Variants in CLSTN3 observed in about 807,000 individuals in gnomAD.
The protein encoded by CLSTN3 is calsyntenin 3.
In CLSTN3, 36 loss-of-function variants were observed where a neutral mutation model predicts 95.9. The ratio of observed to expected loss-of-function variants is 0.38; its 90% CI spans 0.29 to 0.50. The LOEUF is 0.50. Among genes scored for constraint, CLSTN3 ranks in the 20% least tolerant of loss-of-function variants. The pLI is 0.95. For missense variants in CLSTN3, 1,084 were observed against 1,268.8 expected (o/e 0.85, Z 2.21); for synonymous variants, 481 against 504.0 (o/e 0.95, Z 0.61).
In CLSTN3 at chr12:7,137,419, C is replaced by T; in HGVS notation, c.1210+309C>T. The T allele has an allele frequency of 2.6e-6, 1 of 381,272 alleles. No homozygotes were observed. The highest frequency in any genetic ancestry group is 4.9e-6 in the Non-Finnish European group (1 of 203,948). 23.6% of individuals were successfully genotyped at this position (381,272 alleles called of 1,614,324 possible). Reference sequence around the variant, plus strand: ...ATCTCCACCTCCATTAAAGCCCCTCCATTGCAATGGGAAAGCCTGGGTAAT... The same window carrying T: ...ATCTCCACCTCCATTAAAGCCCCTCTATTGCAATGGGAAAGCCTGGGTAAT... On this transcript the variant is annotated intron_variant, in intron 7 of 17. Transcript: ENST00000266546. This position sits in a 1 kb window ranked among gnomAD's most constrained non-coding sequence, Gnocchi z 4.4.
chr12:7,149,358 G>A lies in CLSTN3; in HGVS notation c.2074+160G>A, dbSNP rs1036494479. Among the ~76,000 whole-genome samples the A allele has an allele frequency of 1.3e-5, 2 of 152,212 alleles. No homozygotes were observed. The highest frequency in any genetic ancestry group is 2.9e-5 in the Non-Finnish European group (2 of 68,042). ...AAGAAGGAGAGCAAGTGGAAAACAC[G>A]TGGGTGGAAATGAATTGTTGCATAA... On this transcript the variant is annotated intron_variant, in intron 13 of 17. Coordinates refer to ENST00000266546, the MANE Select transcript of CLSTN3 (RefSeq NM_014718.4). This position sits in a 1 kb window ranked among gnomAD's most constrained non-coding sequence, Gnocchi z 4.5.
Position 7,143,250 on chromosome 12 carries a change from A to G in CLSTN3, c.1786A>G (p.Met596Val), listed in dbSNP as rs750472182. 13 of 1,613,716 alleles carry G rather than the reference A, an allele frequency of 8.1e-6. 1 individual carries two copies. The highest frequency in any genetic ancestry group is 1.0e-5 in the Non-Finnish European group (12 of 1,180,024). The change falls in exon 12 of 18, where the codon ATG becomes GTG. Residue 596 changes from methionine to valine, a missense_variant. By Grantham distance (21) the Met-to-Val change is conservative. Coordinates refer to ENST00000266546, the MANE Select transcript of CLSTN3 (RefSeq NM_014718.4). ...CCATGCCCTGCAGCATGTGGCTTACATGAACACTCTGCGCTTTGCCACGCC... is the reference window on the plus strand; with the variant it reads ...CCATGCCCTGCAGCATGTGGCTTACGTGAACACTCTGCGCTTTGCCACGCC... Reference protein sequence around the residue: ...FNHALQHVAYMNTLRFATPGV... With the variant: ...FNHALQHVAYVNTLRFATPGV...
chr12:7,151,491 G>C lies in CLSTN3; in HGVS notation c.2527+428G>C, dbSNP rs560584762. Among the ~76,000 whole-genome samples, 3 of 152,292 alleles carry C rather than the reference G, an allele frequency of 2.0e-5. No individual in the cohort carries two copies. The South Asian group carries it at 6.2e-4, about 32-fold the overall frequency. ...TCTAAATGATTTATAGGATAGATCA[G>C]TCCCTATCCCCAAGGAGAGAATTGG... On this transcript the variant is annotated intron_variant, in intron 16 of 17. Transcript: ENST00000266546.
chr12:7,144,651 T>A (rs1939590773), intron 12 of CLSTN3, among the ~76,000 whole-genome samples: 1 of 152,196 alleles, frequency 6.6e-6, no homozygotes, highest in Non-Finnish European at 1.5e-5. Context: ...GAGTTAGGAT[T>A]TCTGCGTTCC....
At chr12:7,156,458 C>G (rs776407077) in intron 16 of CLSTN3, 8 of 456,828 alleles carry the variant, frequency 1.8e-5, no homozygotes, top group Non-Finnish European at 3.1e-5. Context: ...GTCTGCCCAG[C>G]TGGTGGGGAG....
At chr12:7,129,906 T>C (rs1361824061), upstream of CLSTN3, 3 of 705,978 alleles carry the variant, frequency 4.2e-6, no homozygotes, top group Non-Finnish European at 5.2e-6. The surrounding 1 kb of genome is among the most constrained non-coding windows in gnomAD (Gnocchi z 5.5). Context: ...GACCGCCCTG[T>C]GGCTTCCTCG....
At chr12:7,130,293 C>T, upstream of CLSTN3, 3 of 847,918 alleles carry the variant, frequency 3.5e-6, no homozygotes, top group Non-Finnish European at 4.8e-6. Context: ...TCCCCCGCTG[C>T]AGCACCTGGT....
At chr12:7,131,120 A>G in intron 1 of CLSTN3, 1 of 326,064 alleles carries the variant, frequency 3.1e-6, no homozygotes, top group Non-Finnish European at 5.8e-6. Context: ...TGGCAGATCC[A>G]TCTGCTTCGC....
intron 16 of CLSTN3, chr12:7,156,212 G>T (rs954931359): frequency 3.7e-5 from 17 of 453,408 alleles, no homozygotes; most frequent in Non-Finnish European, 5.8e-5. Context: ...ACCCATGTGG[G>T]GAGTAGTGAC....
In CLSTN3 at chr12:7,158,738, G is replaced by A. The variant is rs7977239; in HGVS notation, c.*657G>A. 18,472 of 151,940 alleles carry A rather than the reference G, an allele frequency of 0.12. 1,565 individuals carry two copies. The highest frequency in any genetic ancestry group is 0.23 in the African/African-American group (9,686 of 41,240). 9.4% of individuals were successfully genotyped at this position (151,940 alleles called of 1,614,324 possible). A position where few individuals can be genotyped will look rare whatever the true frequency, so the allele number is the denominator to read the frequency against. On this transcript the variant is annotated 3_prime_UTR_variant, in exon 18 of 18. Transcript: ENST00000266546. ...GGACGGGAGGGGACGTGGGGGCCCCGGGTGTACATATATAATGTATATTTT... is the reference window on the plus strand; with the variant it reads ...GGACGGGAGGGGACGTGGGGGCCCCAGGTGTACATATATAATGTATATTTT...
chr12:7,129,920 C>T, upstream of CLSTN3: 1 of 556,002 alleles, frequency 1.8e-6, no homozygotes, highest in South Asian at 7.7e-5. The surrounding 1 kb of genome is among the most constrained non-coding windows in gnomAD (Gnocchi z 5.5). Context: ...TTCCTCGCAG[C>T]CCTGGGCTAC....
Position 7,133,369 on chromosome 12 carries a change from C to T in CLSTN3, c.188-204C>T, listed in dbSNP as rs1188086961. ...AGGGTTAAACACATCATGATTTTGTCAGATCTCAGGTCTGGAGGCTCTGGG... is the reference window on the plus strand; with the variant it reads ...AGGGTTAAACACATCATGATTTTGTTAGATCTCAGGTCTGGAGGCTCTGGG... On this transcript the variant is annotated intron_variant, in intron 2 of 17. Coordinates refer to ENST00000266546, the MANE Select transcript of CLSTN3 (RefSeq NM_014718.4). This position sits in a 1 kb window ranked among gnomAD's most constrained non-coding sequence, Gnocchi z 4.7. Among the ~76,000 whole-genome samples, 2 of 152,124 alleles carry T rather than the reference C, an allele frequency of 1.3e-5. No homozygotes were observed. The highest frequency in any genetic ancestry group is 1.5e-5 in the Non-Finnish European group (1 of 68,020).
chr12:7,133,192 G>A lies in CLSTN3; in HGVS notation c.187+46G>A. On this transcript the variant is annotated intron_variant, in intron 2 of 17. Transcript: ENST00000266546. The surrounding 1 kb of genome is among the most constrained non-coding windows in gnomAD (Gnocchi z 4.7). ...GCAAGGCAGGGTAGGACAGAGAAAA[G>A]TGGGTGGGAGGGCCAAGAGCAAGGG... 6.2e-7 allele frequency: 1 copy of A among 1,607,602 alleles called. No individual in the cohort carries two copies. The highest frequency in any genetic ancestry group is 8.5e-7 in the Non-Finnish European group (1 of 1,175,280).
chr12:7,138,769 G>A (rs1939474720), intron 8 of CLSTN3: 1 of 133,572 alleles, frequency 7.5e-6, no homozygotes, highest in Non-Finnish European at 1.6e-5. Context: ...ACTAATTTGA[G>A]TTTTCACCTC....
chr12:7,155,279 C>T (rs1050085328), intron 16 of CLSTN3, among the ~76,000 whole-genome samples: 1 of 152,226 alleles, frequency 6.6e-6, no homozygotes, highest in African/African-American at 2.4e-5. Context: ...TCTCCCCGGG[C>T]TCCTGACTCA....
In CLSTN3 at chr12:7,157,855, G is replaced by A; in HGVS notation, c.2731-86G>A. 6.5e-7 allele frequency: 1 copy of A among 1,529,212 alleles called. No individual in the cohort carries two copies. 94.7% of individuals were successfully genotyped at this position (1,529,212 alleles called of 1,614,324 possible). On this transcript the variant is annotated intron_variant, in intron 17 of 17. Transcript: ENST00000266546. The surrounding 1 kb of genome is among the most constrained non-coding windows in gnomAD (Gnocchi z 5.9). ...GGAAGGGGGTACACAGGGGTTAAGG[G>A]GACCGAGGGAAGTGTGGTCCCTGAA...
Position 7,143,311 on chromosome 12 carries a change from A to G in CLSTN3, c.1847A>G (p.Lys616Arg). The G allele has an allele frequency of 6.2e-7, 1 of 1,607,332 alleles. No individual in the cohort carries two copies. The highest frequency in any genetic ancestry group is 8.5e-7 in the Non-Finnish European group (1 of 1,179,358). Residue 616 changes from lysine to arginine, a missense_variant and splice_region_variant, in exon 12 of 18, where the codon AAG becomes AGG. Coordinates refer to ENST00000266546, the MANE Select transcript of CLSTN3 (RefSeq NM_014718.4). ...CCCCTGCGCCTCACCACTGCTGTCA[A>G]GTGAGTGTTGGGTGGGGCAGGGCAA... ...VRPLRLTTAV[K>R]CFSEESCVSI... is the part of the protein sequence containing the mutation.
In CLSTN3 at chr12:7,142,120, C is replaced by T; in HGVS notation, c.1521C>T (p.Asn507=). The T allele has an allele frequency of 1.2e-6, 2 of 1,606,680 alleles. No individual in the cohort carries two copies. Among genetic ancestry groups the T allele is most frequent in the Non-Finnish European group, 1.7e-6 (2 of 1,175,796 alleles). The part of the protein sequence containing the change: ...EKNKEKEKGD[N]STDTTQGDPL... ...ACAAAGAGAAGGAAAAGGGAGACAA[C>T]AGTACAGACACCACCCAAGGTACTC... Residue 507 remains asparagine (N), a synonymous_variant, in exon 10 of 18, where the codon AAC becomes AAT. Transcript: ENST00000266546.
chr12:7,129,905 G>A, upstream of CLSTN3: 1 of 720,380 alleles, frequency 1.4e-6, no homozygotes, highest in Non-Finnish European at 1.7e-6. The surrounding 1 kb of genome is among the most constrained non-coding windows in gnomAD (Gnocchi z 5.5). Context: ...GGACCGCCCT[G>A]TGGCTTCCTC....
Sources: allele counts gnomAD v4.1 joint callset (sites outside exome capture counted in the v4.1 genomes callset), GRCh38; gene constraint gnomAD v4.1.1; non-coding constraint Gnocchi (gnomAD v3.1); transcripts MANE v1.5; gene names NCBI Gene and HGNC (gene_info 2026-07-23, HGNC 2026-07-21).